The following DAO variants were observed in gnomAD, a reference collection of about 807,000 sequenced individuals.
DAO encodes D-amino-acid oxidase.
Under a neutral mutation model 50.1 loss-of-function variants are expected in DAO, and 51 were observed. The observed-to-expected ratio is 1.02, with a 90% CI of 0.81 to 1.29. The LOEUF (loss-of-function observed/expected upper bound fraction) is 1.29. Among genes scored for constraint, DAO ranks in the 50% most tolerant of loss-of-function variants. DAO has a pLI of 0.00. For synonymous variants in DAO, 160 were observed against 166.2 expected, an observed-to-expected ratio of 0.96 and a Z score of 0.29; for missense variants, 436 against 439.4, an observed-to-expected ratio of 0.99 and a Z score of 0.07.
intron 7 of DAO, among the ~76,000 whole-genome samples, chr12:108,896,372 G>A (rs1459192926): frequency 2.0e-5 from 2 of 100,886 alleles, no homozygotes; most frequent in Non-Finnish European, 3.9e-5. Context: ...GCAGTGAGCC[G>A]AGACTACACC....
chr12:108,896,940 A>AG, intron 7 of DAO, 66 bp from the exon 8 acceptor site: 1 of 1,206,266 alleles, frequency 8.3e-7, no homozygotes, highest in Non-Finnish European at 1.2e-6. Flanking sequence ...CTGGCCACAG[A>AG]GGGGAGCAAG....
At position 108,887,508 on chromosome 12, in the gene DAO, G is replaced by C; in HGVS notation, c.253G>C (p.Glu85Gln). Residue 85 changes from glutamate (E) to glutamine (Q), a missense_variant, in exon 3 of 11, where the codon GAA (glutamate) becomes CAA (glutamine). Coordinates refer to ENST00000228476, the MANE Select transcript of DAO (RefSeq NM_001917.5). ...LLSHVHSPNA[E>Q]NLGLFLISGY... ...GAGCCATGTCCATTCTCCCAACGCT[G>C]AAAACCTGGGCCTGTTCCTAATCTC... 1 of 1,614,108 alleles carries C rather than the reference G, an allele frequency of 6.2e-7. No individual in the cohort carries two copies. The highest frequency in any genetic ancestry group is 8.5e-7 in the Non-Finnish European group (1 of 1,180,012).
chr12:108,883,881 C>T, intron 1 of DAO: 1 of 284,888 alleles, frequency 3.5e-6, no homozygotes, highest in South Asian at 2.9e-5. Flanking sequence ...TAAAACTAGG[C>T]CATATTAAGA....
At chr12:108,897,868 A>G (rs760239650) in intron 8 of DAO, among the ~76,000 whole-genome samples, 74 of 151,566 alleles carry the variant, frequency 4.9e-4, no homozygotes, top group Non-Finnish European at 9.6e-4. Flanking sequence ...GATTGCTTGA[A>G]CCTGGGAGGT....
At chr12:108,894,572 G>GTATAA (rs2039526887) in intron 7 of DAO, among the ~76,000 whole-genome samples, 1 of 152,150 alleles carries the variant, frequency 6.6e-6, no homozygotes, top group South Asian at 2.1e-4. Context: ...AAGCATGCAT[G>GTATAA]TATGCGCTTG....
chr12:108,895,961 C>T (rs576794325), intron 7 of DAO, among the ~76,000 whole-genome samples: 4 of 151,526 alleles, frequency 2.6e-5, no homozygotes, highest in Admixed American at 6.6e-5. Context: ...AGGAAAAACG[C>T]GAGTCACAGA....
At chr12:108,884,887 G>C (rs1215212077) in intron 1 of DAO, 111 bp from the exon 2 acceptor site, 3 of 982,540 alleles carry the variant, frequency 3.1e-6, no homozygotes, top group Non-Finnish European at 4.9e-6. Context: ...AATATAAAAA[G>C]GGCTTGGTGG....
chr12:108,889,402 G>A (rs574799251), intron 3 of DAO, 67 bp from the exon 4 acceptor site: 13 of 1,112,894 alleles, frequency 1.2e-5, no homozygotes, highest in Admixed American at 3.4e-5. Flanking sequence ...GAGCCACCTC[G>A]CCTGGCCCAT....
At chr12:108,895,698 A>ATG (rs887481133) in intron 7 of DAO, among the ~76,000 whole-genome samples, 1 of 137,118 alleles carries the variant, frequency 7.3e-6, no homozygotes, top group African/African-American at 2.8e-5. Context: ...GTGTGCATGC[A>ATG]TGTGTGTGAG....
rs76305249 is a variant in DAO at position 108,884,764 on chromosome 12, C to T, written c.-9-234C>T. On this transcript the variant is annotated intron_variant, in intron 1 of 10. Coordinates refer to ENST00000228476, the MANE Select transcript of DAO (RefSeq NM_001917.5). ...GCTCCCCAGAGAAAGTTGCATCATT[C>T]ACCAGCCGTGTGACTGTGGCCAAGT... 0.019 allele frequency among the ~76,000 whole-genome samples: 2,959 copies of T among 152,228 alleles called. 105 individuals carry two copies. The highest frequency in any genetic ancestry group is 0.067 in the African/African-American group (2,794 of 41,508).
At chr12:108,890,084 G>A (rs112058844) in intron 4 of DAO, 124 bp from the exon 5 acceptor site, 40 of 836,560 alleles carry the variant, frequency 4.8e-5, no homozygotes, top group East Asian at 1.0e-4. Flanking sequence ...TGAACTTCAC[G>A]TAGTGGTCCT....
chr12:108,885,344 C>CA lies in DAO; in HGVS notation c.194+145dup, dbSNP rs2039424784. The CA allele has an allele frequency of 3.7e-6, 3 of 813,150 alleles. No individual in the cohort carries two copies. In the African/African-American group the frequency reaches 5.1e-5, roughly 14 times the overall value. The allele number at this position is 813,150 out of a possible 1,614,324, so 50.4% of individuals were successfully genotyped here. ...AAAGAAAATGCCAGGCGTGGTGGTT[C>CA]ACGCCTTTAATCCTAGCACTTTGGG... On this transcript the variant is annotated intron_variant, in intron 2 of 10. Coordinates refer to ENST00000228476, the MANE Select transcript of DAO (RefSeq NM_001917.5).
chr12:108,896,952 G>A (rs1593166853), intron 7 of DAO, 54 bp from the exon 8 acceptor site: 2 of 1,358,706 alleles, frequency 1.5e-6, no homozygotes, highest in Non-Finnish European at 1.1e-6. Flanking sequence ...GGGAGCAAGG[G>A]CAGCCACATT....
intron 8 of DAO, among the ~76,000 whole-genome samples, chr12:108,897,702 C>A (rs745974507): frequency 1.7e-4 from 26 of 152,232 alleles, no homozygotes; most frequent in Non-Finnish European, 2.9e-4. Flanking sequence ...AATCCCAGCA[C>A]TTTGCGAGGC....
chr12:108,889,331 A>G, intron 3 of DAO, 138 bp from the exon 4 acceptor site: 1 of 619,512 alleles, frequency 1.6e-6, no homozygotes, highest in South Asian at 1.5e-5. Flanking sequence ...ACTGGTCTGG[A>G]GCTCCTGACC....
Position 108,897,013 on chromosome 12 carries a change from C to T in DAO, c.620C>T (p.Ala207Val), listed in dbSNP as rs1324041848. 2 of 1,613,478 alleles carry T rather than the reference C, an allele frequency of 1.2e-6. No homozygotes were observed. Among genetic ancestry groups the T allele is most frequent in the African/African-American group, 2.7e-5 (2 of 74,888 alleles). ...PGRGQIMKVD[A>V]PWMKHFILTH... is the part of the protein sequence containing the mutation. ...CCTGCCCTGAATCAACAGGTGGACG[C>T]CCCTTGGATGAAGCACTTCATTCTC... Residue 207 changes from alanine to valine, a missense_variant, in exon 8 of 11, where the codon GCC (alanine) becomes GTC (valine). Ala to Val is a moderately conservative substitution (Grantham distance 64, BLOSUM62 0). Transcript: ENST00000228476.
At chr12:108,898,504 A>T (rs2039586249) in intron 8 of DAO, 175 bp from the exon 9 acceptor site, 2 of 695,392 alleles carry the variant, frequency 2.9e-6, no homozygotes, top group Non-Finnish European at 5.3e-6. Flanking sequence ...AGATGACAAC[A>T]TTGATGGAAG....
chr12:108,898,542 T>C lies in DAO; in HGVS notation c.696-137T>C, dbSNP rs1443005769. ...GTGATGGAAGAGTTCGTTGTTGGTGTTGATGGTGATGACAGTGGCAATTGA... is the reference window on the plus strand; with the variant it reads ...GTGATGGAAGAGTTCGTTGTTGGTGCTGATGGTGATGACAGTGGCAATTGA... On this transcript the variant is annotated intron_variant, in intron 8 of 10. Transcript: ENST00000228476. 3 of 761,916 alleles carry C rather than the reference T, an allele frequency of 3.9e-6. No homozygotes were observed. In the East Asian group the frequency reaches 7.4e-5, roughly 19 times the overall value. 47.2% of individuals were successfully genotyped at this position (761,916 alleles called of 1,614,324 possible). A position where few individuals can be genotyped will look rare whatever the true frequency, so the allele number is the denominator to read the frequency against.
chr12:108,887,375 C>T, intron 2 of DAO, 75 bp from the exon 3 acceptor site: 1 of 1,041,976 alleles, frequency 9.6e-7, no homozygotes, highest in Non-Finnish European at 1.5e-6. Flanking sequence ...CATGCCACAG[C>T]CCCATGCCAG....
Sources: gnomAD v4.1 joint callset for allele counts (sites outside exome capture counted in the v4.1 genomes callset) on GRCh38, gnomAD v4.1.1 for gene constraint, MANE v1.5 for transcripts, NCBI Gene and HGNC (gene_info 2026-07-23, HGNC 2026-07-21) for gene names.